The following NUBPL variants were observed in gnomAD, a reference collection of about 807,000 sequenced individuals.
The protein encoded by NUBPL is NUBP iron-sulfur cluster assembly factor, mitochondrial.
In NUBPL, 31 loss-of-function variants were observed where a neutral mutation model predicts 45.7. That is an observed-to-expected ratio of 0.68 (90% CI 0.51 to 0.92). NUBPL has a LOEUF of 0.92. Ranked by LOEUF, NUBPL falls within the 40% of genes least tolerant of loss-of-function variation. The probability of loss-of-function intolerance (pLI) is 0.00; values close to 1 mark genes in which losing one functional copy is unlikely to be tolerated. For missense variants in NUBPL, 401 were observed against 398.7 expected, an observed-to-expected ratio of 1.01 and a Z score of -0.05; for synonymous variants, 144 against 140.9, an observed-to-expected ratio of 1.02 and a Z score of -0.15.
intron 6 of NUBPL, among the ~76,000 whole-genome samples, chr14:31,756,912 G>C (rs758261879): frequency 0.032 from 4,621 of 145,978 alleles, 213 homozygotes; most frequent in African/African-American, 0.11. Context: ...TAGCATGAAG[G>C]GTTGTTGAAT....
At chr14:31,635,086 T>G (rs868741726) in intron 4 of NUBPL, among the ~76,000 whole-genome samples, 23 of 147,852 alleles carry the variant, frequency 1.6e-4, no homozygotes, top group Non-Finnish European at 2.4e-4. Context: ...AGAAGCTCTT[T>G]AGTTTAATTA....
At chr14:31,664,079 A>G (rs1024378726) in intron 4 of NUBPL, among the ~76,000 whole-genome samples, 1 of 152,172 alleles carries the variant, frequency 6.6e-6, no homozygotes, top group Non-Finnish European at 1.5e-5. Flanking sequence ...ATTTTTGCAC[A>G]TTAATTTTAT....
intron 6 of NUBPL, among the ~76,000 whole-genome samples, chr14:31,759,453 A>C (rs2038749481): frequency 1.3e-5 from 2 of 152,160 alleles, no homozygotes; most frequent in Admixed American, 1.3e-4. Flanking sequence ...CAAATATTGT[A>C]TGTATTTTTG....
At chr14:31,586,509 C>T (rs750267824) in intron 3 of NUBPL, among the ~76,000 whole-genome samples, 12 of 152,092 alleles carry the variant, frequency 7.9e-5, no homozygotes, top group African/African-American at 1.4e-4. Context: ...GAAAGTAGTG[C>T]GGTGGAGTGG....
At chr14:31,722,727 A>G (rs1443184493) in intron 6 of NUBPL, among the ~76,000 whole-genome samples, 1 of 152,096 alleles carries the variant, frequency 6.6e-6, no homozygotes, top group Non-Finnish European at 1.5e-5. Flanking sequence ...TTGGCTGCAC[A>G]TATGTCTTCT....
chr14:31,635,114 T>G (rs1441583192), intron 4 of NUBPL, among the ~76,000 whole-genome samples: 1 of 146,944 alleles, frequency 6.8e-6, no homozygotes, highest in Non-Finnish European at 1.5e-5. Flanking sequence ...TTTGTCAATT[T>G]TGCCTTTTGT....
chr14:31,606,536 T>C (rs1391543996), intron 4 of NUBPL, among the ~76,000 whole-genome samples: 1 of 152,206 alleles, frequency 6.6e-6, no homozygotes, highest in Non-Finnish European at 1.5e-5. Context: ...ATCACATTCC[T>C]ATCCAAAGCA....
intron 4 of NUBPL, among the ~76,000 whole-genome samples, chr14:31,603,164 G>T (rs2034491260): frequency 6.6e-6 from 1 of 151,820 alleles, no homozygotes; most frequent in Non-Finnish European, 1.5e-5. Flanking sequence ...GCTGGGCATG[G>T]TGGCTCACAC....
chr14:31,577,562 A>G (rs2139481957), intron 3 of NUBPL, among the ~76,000 whole-genome samples: 1 of 152,226 alleles, frequency 6.6e-6, no homozygotes, highest in Middle Eastern at 3.4e-3. Flanking sequence ...TACAGGTGCC[A>G]GCCACCACGC....
intron 10 of NUBPL, among the ~76,000 whole-genome samples, chr14:31,857,182 C>T (rs1477231551): frequency 6.6e-6 from 1 of 152,202 alleles, no homozygotes; most frequent in African/African-American, 2.4e-5. Flanking sequence ...GTGGAAGCTG[C>T]CAAGGCTTGA....
chr14:31,715,566 GT>G (rs1566519429), intron 6 of NUBPL, among the ~76,000 whole-genome samples: 1 of 152,174 alleles, frequency 6.6e-6, no homozygotes, highest in African/African-American at 2.4e-5. Flanking sequence ...TAACACAATG[GT>G]AAATATTTGT....
chr14:31,701,827 C>T (rs1415423400), intron 6 of NUBPL, among the ~76,000 whole-genome samples: 1 of 152,230 alleles, frequency 6.6e-6, no homozygotes, highest in Non-Finnish European at 1.5e-5. Flanking sequence ...AGACCGAGAA[C>T]CCACCAATTC....
intron 6 of NUBPL, among the ~76,000 whole-genome samples, chr14:31,705,079 G>A (rs1347735907): frequency 6.6e-6 from 1 of 152,072 alleles, no homozygotes; most frequent in Non-Finnish European, 1.5e-5. Flanking sequence ...GTGGGTTCGT[G>A]GTCTCACTGG....
chr14:31,771,936 T>C, intron 6 of NUBPL: 1 of 920,740 alleles, frequency 1.1e-6, no homozygotes, highest in Non-Finnish European at 1.3e-6. Context: ...TAGCATGCAG[T>C]ATGCTAGTCT....
At chr14:31,635,844 T>C (rs1390223027) in intron 4 of NUBPL, among the ~76,000 whole-genome samples, 1 of 152,170 alleles carries the variant, frequency 6.6e-6, no homozygotes, top group Non-Finnish European at 1.5e-5. Context: ...TTTATTCTCC[T>C]TGAAGCAATT....
intron 6 of NUBPL, among the ~76,000 whole-genome samples, chr14:31,754,322 A>G (rs1184719319): frequency 6.6e-6 from 1 of 152,224 alleles, no homozygotes; most frequent in Admixed American, 6.5e-5. Flanking sequence ...AGTAGTTAGC[A>G]TAAATTATGG....
intron 6 of NUBPL, among the ~76,000 whole-genome samples, chr14:31,769,582 A>T (rs1158220415): frequency 1.3e-5 from 2 of 152,090 alleles, no homozygotes; most frequent in Non-Finnish European, 2.9e-5. Flanking sequence ...TGATCATTCC[A>T]TTAAAAAAAA....
rs34778685 is a variant in NUBPL at position 31,627,765 on chromosome 14, C to CAA, written c.382+28403_382+28404dup. On this transcript the variant is annotated intron_variant, in intron 4 of 10. Transcript: ENST00000281081. ...TGGGTGACAGAGTGAGACTCTGTCT[C>CAA]AAAAAAAAAAAAAAAAAATTATTGA... Among the ~76,000 whole-genome samples, 741 of 109,100 alleles carry CAA rather than the reference C, an allele frequency of 6.8e-3. 6 individuals carry two copies. The highest frequency in any genetic ancestry group is 0.014 in the African/African-American group (353 of 25,578). 71.6% of individuals were successfully genotyped at this position (109,100 alleles called of 152,430 possible). A position where few individuals can be genotyped will look rare whatever the true frequency, so the allele number is the denominator to read the frequency against.
chr14:31,826,520 C>A, intron 7 of NUBPL, 109 bp from the exon 8 acceptor site: 1 of 925,310 alleles, frequency 1.1e-6, no homozygotes, highest in Non-Finnish European at 1.7e-6. Flanking sequence ...TATGAATGAC[C>A]TAAATAGTTA....
Sources: gnomAD v4.1 joint callset for allele counts (sites outside exome capture counted in the v4.1 genomes callset) on GRCh38, gnomAD v4.1.1 for gene constraint, MANE v1.5 for transcripts, NCBI Gene and HGNC (gene_info 2026-07-23, HGNC 2026-07-21) for gene names.